Variants in CPPED1 observed in about 807,000 individuals in gnomAD.
The protein encoded by CPPED1 is serine/threonine-protein phosphatase CPPED1.
In CPPED1, 28 loss-of-function variants were observed where a neutral mutation model predicts 28.0. That is an observed-to-expected ratio of 1.00 (90% CI 0.74 to 1.37). The LOEUF is 1.37. Ranked by LOEUF, CPPED1 falls within the 40% of genes most tolerant of loss-of-function variation. The probability of loss-of-function intolerance (pLI) is 0.00; values close to 1 mark genes in which losing one functional copy is unlikely to be tolerated. For missense variants in CPPED1, 504 were observed against 416.5 expected, an observed-to-expected ratio of 1.21 and a Z score of -1.83; for synonymous variants, 198 against 180.2, an observed-to-expected ratio of 1.10 and a Z score of -0.79.
intron 3 of CPPED1, among the ~76,000 whole-genome samples, chr16:12,687,324 A>T (rs999541306): frequency 9.2e-5 from 14 of 152,242 alleles, no homozygotes; most frequent in Middle Eastern, 3.4e-3. Context: ...TACATTTTTT[A>T]AAAAAAGAAA....
intron 2 of CPPED1, among the ~76,000 whole-genome samples, chr16:12,763,620 C>A (rs1001894993): frequency 1.3e-5 from 2 of 152,150 alleles, no homozygotes; most frequent in African/African-American, 4.8e-5. Context: ...TTATTATCTG[C>A]ATTTTACAGA....
chr16:12,734,070 T>G (rs1225571113), intron 2 of CPPED1, among the ~76,000 whole-genome samples: 3 of 121,324 alleles, frequency 2.5e-5, no homozygotes, highest in African/African-American at 6.1e-5. Flanking sequence ...TTTTTTTTTT[T>G]TTTTTTTTTT....
chr16:12,746,858 T>C (rs576406966), intron 2 of CPPED1, among the ~76,000 whole-genome samples: 1 of 152,138 alleles, frequency 6.6e-6, no homozygotes, highest in Admixed American at 6.6e-5. Context: ...ATGTACACTG[T>C]GCACGCTAAT....
chr16:12,693,379 TAG>T (rs1201848821), intron 3 of CPPED1, among the ~76,000 whole-genome samples: 2 of 152,130 alleles, frequency 1.3e-5, no homozygotes, highest in African/African-American at 4.8e-5. Context: ...TGTTTTTTTG[TAG>T]AGACAGGTTT....
At chr16:12,792,836 C>G (rs914225898) in intron 1 of CPPED1, among the ~76,000 whole-genome samples, 17 of 152,186 alleles carry the variant, frequency 1.1e-4, no homozygotes, top group African/African-American at 4.1e-4. Context: ...GAGGCCTCCC[C>G]AGCCATGTGA....
intron 2 of CPPED1, among the ~76,000 whole-genome samples, chr16:12,724,714 A>T (rs1233429356): frequency 6.6e-6 from 1 of 152,236 alleles, no homozygotes. Context: ...TACCAGCTGA[A>T]GTGTCCATGC....
chr16:12,775,924 C>A (rs553307352), intron 2 of CPPED1, among the ~76,000 whole-genome samples: 1 of 152,310 alleles, frequency 6.6e-6, no homozygotes, highest in Non-Finnish European at 1.5e-5. Flanking sequence ...ACCCTGAATT[C>A]CAGTCCCTGC....
intron 1 of CPPED1, among the ~76,000 whole-genome samples, chr16:12,792,897 C>T (rs1438856892): frequency 6.6e-6 from 1 of 152,094 alleles, no homozygotes; most frequent in African/African-American, 2.4e-5. Context: ...AGTCTTGGGT[C>T]TGTCTTTATT....
At chr16:12,694,698 A>C (rs938661720) in intron 3 of CPPED1, among the ~76,000 whole-genome samples, 3 of 123,868 alleles carry the variant, frequency 2.4e-5, no homozygotes, top group African/African-American at 9.3e-5. Context: ...AAGGTCCCAC[A>C]AACTCTGGAT....
In CPPED1 at chr16:12,670,384, C is replaced by A. The variant is rs1343443699; in HGVS notation, c.716-5269G>T. Among the ~76,000 whole-genome samples, 1 of 152,094 alleles carries A rather than the reference C, an allele frequency of 6.6e-6. No individual in the cohort carries two copies. The highest frequency in any genetic ancestry group is 2.4e-5 in the African/African-American group (1 of 41,404). ...TAGGGGGAGAAACATCTCCTACACACAGAAGAGTAACAAATAAATGACACA... is the reference window on the plus strand; with the variant it reads ...TAGGGGGAGAAACATCTCCTACACAAAGAAGAGTAACAAATAAATGACACA... On this transcript the variant is annotated intron_variant, in intron 3 of 3. Coordinates refer to ENST00000381774, the MANE Select transcript of CPPED1 (RefSeq NM_018340.3). The surrounding 1 kb of genome is among the most constrained non-coding windows in gnomAD (Gnocchi z 4.2).
rs760252778 is a variant in CPPED1, at chr16:12,803,753, AC to A, written c.23del (p.Gly8ValfsTer38). Reference sequence around the variant, plus strand: ...TCCTGCCCCTGGCTCTGTGGAAAACACCCCCCGCCTCTGCAGCCGACATGGC... The same window carrying A: ...TCCTGCCCCTGGCTCTGTGGAAAACACCCCCGCCTCTGCAGCCGACATGGC... MSAAEAG[G>X]VFHRARGRTL... is the part of the protein sequence containing the mutation. On this transcript the variant is annotated frameshift_variant, in exon 1 of 4. Coordinates refer to ENST00000381774, the MANE Select transcript of CPPED1 (RefSeq NM_018340.3). LOFTEE classifies it high-confidence loss of function. 18 of 1,540,420 alleles carry A rather than the reference AC, an allele frequency of 1.2e-5. No individual in the cohort carries two copies. Among genetic ancestry groups the A allele is most frequent in the Admixed American group, 5.8e-5 (3 of 51,488 alleles).
intron 3 of CPPED1, among the ~76,000 whole-genome samples, chr16:12,692,859 G>A (rs961155294): frequency 6.6e-6 from 1 of 152,178 alleles, no homozygotes; most frequent in Admixed American, 6.5e-5. Flanking sequence ...GCCCCACCTG[G>A]CAGGGCGGCC....
At chr16:12,725,570 G>C (rs2080165558) in intron 2 of CPPED1, among the ~76,000 whole-genome samples, 1 of 152,170 alleles carries the variant, frequency 6.6e-6, no homozygotes, top group Admixed American at 6.5e-5. Context: ...TGGGGAGAGG[G>C]GAGGGAGGAA....
At chr16:12,703,331 ATCCCAGCACTGTAT>A (rs1192294174) in intron 3 of CPPED1, among the ~76,000 whole-genome samples, 2 of 152,218 alleles carry the variant, frequency 1.3e-5, no homozygotes, top group Non-Finnish European at 2.9e-5. Flanking sequence ...CACACCTGTA[ATCCCAGCACTGTAT>A]TCCCAGATGG....
At chr16:12,766,572 T>C (rs1458695517) in intron 2 of CPPED1, among the ~76,000 whole-genome samples, 2 of 152,104 alleles carry the variant, frequency 1.3e-5, no homozygotes, top group Non-Finnish European at 2.9e-5. Context: ...ATGGGAATTA[T>C]GGAAGTACAA....
intron 2 of CPPED1, among the ~76,000 whole-genome samples, chr16:12,740,498 G>C (rs980684756): frequency 2.6e-5 from 4 of 151,678 alleles, no homozygotes; most frequent in Non-Finnish European, 4.4e-5. Flanking sequence ...AGTATTCCTA[G>C]TGCATACCAA....
intron 2 of CPPED1, among the ~76,000 whole-genome samples, chr16:12,730,945 A>C (rs2141204978): frequency 6.6e-6 from 1 of 152,256 alleles, no homozygotes; most frequent in East Asian, 1.9e-4. Flanking sequence ...TAGGAATAAA[A>C]AGAGAGCTAA....
Position 12,803,758 on chromosome 16 carries a change from C to A in CPPED1, c.19G>T (p.Gly7Trp). The change falls in exon 1 of 4, where the codon GGG (glycine) becomes TGG (tryptophan). Residue 7 changes from glycine (G) to tryptophan (W), a missense_variant. By Grantham distance (184) the Gly-to-Trp change is radical (BLOSUM62 -2). Coordinates refer to ENST00000381774, the MANE Select transcript of CPPED1 (RefSeq NM_018340.3). MSAAEA[G>W]GVFHRARGRT... is the part of the protein sequence containing the mutation. ...CCCCTGGCTCTGTGGAAAACACCCCCCGCCTCTGCAGCCGACATGGCGAGC... is the reference window on the plus strand; with the variant it reads ...CCCCTGGCTCTGTGGAAAACACCCCACGCCTCTGCAGCCGACATGGCGAGC... The A allele has an allele frequency of 6.3e-7, 1 of 1,598,712 alleles. No homozygotes were observed. The highest frequency in any genetic ancestry group is 8.5e-7 in the Non-Finnish European group (1 of 1,173,838).
Position 12,660,129 on chromosome 16 carries a change from A to AGCAGGAAGCAGGAAGG in CPPED1, c.*4756_*4757insCCTTCCTGCTTCCTGC, listed in dbSNP as rs1161386045. 2 of 152,172 alleles carry AGCAGGAAGCAGGAAGG rather than the reference A, an allele frequency of 1.3e-5. No homozygotes were observed. Among genetic ancestry groups the AGCAGGAAGCAGGAAGG allele is most frequent in the African/African-American group, 4.8e-5 (2 of 41,438 alleles). 9.4% of individuals were successfully genotyped at this position (152,172 alleles called of 1,614,324 possible). On this transcript the variant is annotated 3_prime_UTR_variant, in exon 4 of 4. Coordinates refer to ENST00000381774, the MANE Select transcript of CPPED1 (RefSeq NM_018340.3). ...AATTTGGGTGGAGACACAGAGCCAA[A>AGCAGGAAGCAGGAAGG]CCATATCAAGCAGGAAGGCCACTTT... is the stretch of plus-strand genomic sequence containing the variant.
Sources: allele counts gnomAD v4.1 joint callset (sites outside exome capture counted in the v4.1 genomes callset), GRCh38; gene constraint gnomAD v4.1.1; non-coding constraint Gnocchi (gnomAD v3.1); transcripts MANE v1.5; gene names NCBI Gene and HGNC (gene_info 2026-07-23, HGNC 2026-07-21).